FERMT2: variants seen among roughly 807,000 people sequenced by gnomAD.
FERMT2 encodes the protein FERM domain containing kindlin 2.
A neutral mutation model predicts 82.7 loss-of-function variants in FERMT2; 15 were observed. The observed-to-expected ratio is 0.18, with a 90% CI of 0.12 to 0.28. The LOEUF (loss-of-function observed/expected upper bound fraction) is 0.28, where lower values mean the gene tolerates loss of function less well. FERMT2 is among the 10% of genes least tolerant of loss of function. The pLI is 1.00. For synonymous variants in FERMT2, 274 were observed against 271.5 expected (o/e 1.01, Z -0.09); for missense variants, 645 against 809.4 (o/e 0.80, Z 2.46).
rs1215459031 is a variant in FERMT2, at chr14:52,891,598, G to C, written c.526+1695C>G. On this transcript the variant is annotated intron_variant, in intron 4 of 14. Coordinates refer to ENST00000341590, the MANE Select transcript of FERMT2 (RefSeq NM_006832.3). ...AGTGAGAATTACATGGGTTTCCATG[G>C]GTAAAGTGCATGAAATAGTGGTGGG... is the stretch of plus-strand genomic sequence containing the variant. Among the ~76,000 whole-genome samples the C allele has an allele frequency of 2.0e-5, 3 of 152,050 alleles. No individual in the cohort carries two copies. In the East Asian group the frequency reaches 5.8e-4, roughly 29 times the overall value.
chr14:52,866,654 A>C (rs567830781), intron 10 of FERMT2, among the ~76,000 whole-genome samples: 8 of 152,276 alleles, frequency 5.3e-5, no homozygotes, highest in African/African-American at 1.7e-4. Context: ...TTATGCTTGC[A>C]TCCTTCTGTG....
chr14:52,940,895 A>T (rs1890059606), intron 2 of FERMT2, among the ~76,000 whole-genome samples: 1 of 152,242 alleles, frequency 6.6e-6, no homozygotes, highest in Non-Finnish European at 1.5e-5. Context: ...ACAGGAAAGT[A>T]AAGTGACGTG....
At chr14:52,879,274 TAAAAGTC>T (rs2140112283) in intron 6 of FERMT2, among the ~76,000 whole-genome samples, 1 of 152,360 alleles carries the variant, frequency 6.6e-6, no homozygotes, top group Non-Finnish European at 1.5e-5. Flanking sequence ...ATTATATAAA[TAAAAGTC>T]AATAGTAATG....
At chr14:52,916,379 T>G (rs967712629) in intron 3 of FERMT2, among the ~76,000 whole-genome samples, 4 of 146,224 alleles carry the variant, frequency 2.7e-5, no homozygotes, top group Admixed American at 2.0e-4. Flanking sequence ...AAAAAAGAAA[T>G]AAGCTATCAA....
At position 52,892,462 on chromosome 14, in the gene FERMT2, T is replaced by TGTTTTTTG. The variant is rs1555369022; in HGVS notation, c.526+830_526+831insCAAAAAAC. ...CCGCCTGGTGCTGTTTTTTGTTTTT[T>TGTTTTTTG]TTTTTTTTTGAGATGGAGTTTTGCT... On this transcript the variant is annotated intron_variant, in intron 4 of 14. Coordinates refer to ENST00000341590, the MANE Select transcript of FERMT2 (RefSeq NM_006832.3). Among the ~76,000 whole-genome samples the TGTTTTTTG allele has an allele frequency of 9.4e-4, 129 of 136,714 alleles. 1 individual carries two copies. Among genetic ancestry groups the TGTTTTTTG allele is most frequent in the Middle Eastern group, 8.0e-3 (2 of 250 alleles). 89.7% of individuals were successfully genotyped at this position (136,714 alleles called of 152,430 possible). A position where few individuals can be genotyped will look rare whatever the true frequency, so the allele number is the denominator to read the frequency against.
At chr14:52,936,526 T>C (rs1219824834) in intron 2 of FERMT2, among the ~76,000 whole-genome samples, 1 of 152,194 alleles carries the variant, frequency 6.6e-6, no homozygotes, top group Admixed American at 6.6e-5. Flanking sequence ...TTATTTCTTC[T>C]TGAGCCTCAC....
intron 4 of FERMT2, among the ~76,000 whole-genome samples, chr14:52,891,561 G>T (rs1463799769): frequency 3.9e-5 from 6 of 152,100 alleles, no homozygotes; most frequent in Non-Finnish European, 8.8e-5. Flanking sequence ...AATATCTACT[G>T]CAAAGAGCTG....
chr14:52,934,817 A>C (rs1029010964), intron 2 of FERMT2, among the ~76,000 whole-genome samples: 1 of 151,980 alleles, frequency 6.6e-6, no homozygotes, highest in Admixed American at 6.6e-5. Flanking sequence ...CTGTTGGTCA[A>C]CTCTTTCAAT....
intron 10 of FERMT2, chr14:52,871,998 G>A (rs1885652010): frequency 6.6e-6 from 1 of 152,442 alleles, no homozygotes. Flanking sequence ...GGAAGGACTT[G>A]CCCAAACCCT....
intron 2 of FERMT2, among the ~76,000 whole-genome samples, chr14:52,947,052 C>G (rs1346929324): frequency 6.6e-6 from 1 of 152,192 alleles, no homozygotes; most frequent in African/African-American, 2.4e-5. Flanking sequence ...GAAGTATCAG[C>G]CTAGACTAAG....
chr14:52,944,279 C>T (rs904809627), intron 2 of FERMT2, among the ~76,000 whole-genome samples: 2 of 152,148 alleles, frequency 1.3e-5, no homozygotes, highest in South Asian at 2.1e-4. Flanking sequence ...TACTCCACCC[C>T]CAAGATTTAA....
At chr14:52,882,388 T>C (rs555383677) in intron 4 of FERMT2, among the ~76,000 whole-genome samples, 69 of 152,304 alleles carry the variant, frequency 4.5e-4, no homozygotes, top group African/African-American at 1.6e-3. Context: ...GTATTAGGGC[T>C]AGACATATAG....
chr14:52,911,801 A>T (rs1373440598), intron 3 of FERMT2, among the ~76,000 whole-genome samples: 2 of 152,180 alleles, frequency 1.3e-5, no homozygotes, highest in Non-Finnish European at 2.9e-5. Context: ...AACAGTGTTA[A>T]ATTATGTATT....
intron 6 of FERMT2, 99 bp downstream of exon 6, chr14:52,880,937 C>G: frequency 1.4e-6 from 1 of 707,842 alleles, no homozygotes; most frequent in Non-Finnish European, 2.3e-6. Flanking sequence ...TTCCTATATA[C>G]AAATAATTCC....
At chr14:52,907,053 C>T (rs1345507913) in intron 3 of FERMT2, among the ~76,000 whole-genome samples, 4 of 151,554 alleles carry the variant, frequency 2.6e-5, no homozygotes, top group Non-Finnish European at 4.4e-5. Context: ...CCCTCTGTTG[C>T]CCAAGTTGGG....
intron 4 of FERMT2, among the ~76,000 whole-genome samples, chr14:52,891,862 T>A (rs1886950802): frequency 6.6e-6 from 1 of 152,218 alleles, no homozygotes; most frequent in South Asian, 2.1e-4. Context: ...ATTAGCCACT[T>A]AGCTTCCCAA....
chr14:52,938,991 CTAA>C (rs1889972118), intron 2 of FERMT2, among the ~76,000 whole-genome samples: 3 of 151,870 alleles, frequency 2.0e-5, no homozygotes, highest in Admixed American at 1.3e-4. Flanking sequence ...TATAGTATTA[CTAA>C]TAATGATGCA....
At chr14:52,942,058 T>C (rs577630749) in intron 2 of FERMT2, among the ~76,000 whole-genome samples, 3 of 152,254 alleles carry the variant, frequency 2.0e-5, no homozygotes, top group South Asian at 2.1e-4. Flanking sequence ...TAAGCTTTTT[T>C]TGAGGAGTGC....
At chr14:52,917,003 C>T (rs1888649768) in intron 3 of FERMT2, among the ~76,000 whole-genome samples, 1 of 152,142 alleles carries the variant, frequency 6.6e-6, no homozygotes, top group Non-Finnish European at 1.5e-5. Context: ...AACAACAAAA[C>T]AGACCATAAT....
Sources: allele counts gnomAD v4.1 joint callset (sites outside exome capture counted in the v4.1 genomes callset), GRCh38; gene constraint gnomAD v4.1.1; transcripts MANE v1.5; gene names NCBI Gene and HGNC (gene_info 2026-07-23, HGNC 2026-07-21).